The following IL1RAPL2 variants were observed in gnomAD, a reference collection of about 807,000 sequenced individuals.
IL1RAPL2 encodes the protein interleukin 1 receptor accessory protein like 2, also known as X-linked interleukin-1 receptor accessory protein-like 2.
In IL1RAPL2, 3 loss-of-function variants were observed where a neutral mutation model predicts 44.1. That is an observed-to-expected ratio of 0.07 (90% CI 0.03 to 0.18). The LOEUF (loss-of-function observed/expected upper bound fraction) is 0.18. Among genes scored for constraint, IL1RAPL2 ranks in the 10% least tolerant of loss-of-function variants. IL1RAPL2 has a pLI of 1.00. For missense variants in IL1RAPL2, 391 were observed against 496.4 expected (o/e 0.79, Z 2.02); for synonymous variants, 181 against 178.8 (o/e 1.01, Z -0.10).
rs59944197 is a variant in IL1RAPL2 at position 104,589,623 on chromosome X, G to A, written c.-20+22572G>A. Among the ~76,000 whole-genome samples the A allele has an allele frequency of 7.1e-3, 792 of 112,245 alleles. 3 individuals carry two copies. Among genetic ancestry groups the A allele is most frequent in the African/African-American group, 0.024 (751 of 30,915 alleles). On this transcript the variant is annotated intron_variant, in intron 1 of 10. Transcript: ENST00000372582. ...TTTGAGGTTAATTATATATTTTTGC[G>A]ACATGTAGGCATAACCTTATCTCTT...
chrX:105,334,063 T>G (rs1341006389), intron 5 of IL1RAPL2, among the ~76,000 whole-genome samples: 3 of 112,288 alleles, frequency 2.7e-5, no homozygotes, highest in African/African-American at 6.5e-5. Flanking sequence ...CAAAGAGATA[T>G]CTACACTCCA....
In IL1RAPL2 at chrX:104,635,786, G is replaced by A. The variant is rs187487936; in HGVS notation, c.-19-23109G>A. On this transcript the variant is annotated intron_variant, in intron 1 of 10. Transcript: ENST00000372582. ...TTTTTAACTTCTTTGCCATGGGTTC[G>A]AACTTCCTCCTTTAGCTCGGAGTAG... Among the ~76,000 whole-genome samples the A allele has an allele frequency of 6.3e-3, 697 of 111,190 alleles. 3 individuals are homozygous for A. Among genetic ancestry groups the A allele is most frequent in the South Asian group, 0.026 (68 of 2,617 alleles).
chrX:105,517,748 C>T (rs955067989), intron 6 of IL1RAPL2, among the ~76,000 whole-genome samples: 2 of 111,507 alleles, frequency 1.8e-5, no homozygotes, highest in Non-Finnish European at 3.8e-5. Flanking sequence ...TTCTCTCATA[C>T]TAGAAAGACA....
intron 5 of IL1RAPL2, among the ~76,000 whole-genome samples, chrX:105,316,585 A>G (rs141399454): frequency 0.05 from 5,572 of 111,636 alleles, 150 homozygotes; most frequent in Middle Eastern, 0.087. Context: ...TACAAGCACT[A>G]CTCTCCCATG....
Position 105,107,168 on chromosome X carries a change from A to G in IL1RAPL2, c.83-88307A>G, listed in dbSNP as rs755258530. On this transcript the variant is annotated intron_variant, in intron 2 of 10. Transcript: ENST00000372582. ...GTTGTAAAAGTTCACTCCTTATCTC[A>G]CATTTAACACATTATCTTAATGAGA... is the stretch of plus-strand genomic sequence containing the variant. Among the ~76,000 whole-genome samples, 58 of 112,363 alleles carry G rather than the reference A, an allele frequency of 5.2e-4. 1 individual carries two copies. Among genetic ancestry groups the G allele is most frequent in the African/African-American group, 1.8e-3 (57 of 31,005 alleles).
chrX:105,392,157 AAAAAAAT>A (rs1338254852), intron 5 of IL1RAPL2, among the ~76,000 whole-genome samples: 1 of 109,523 alleles, frequency 9.1e-6, no homozygotes, highest in Non-Finnish European at 1.9e-5. Flanking sequence ...ATAATAAAAT[AAAAAAAT>A]AAAAAATAAA....
intron 1 of IL1RAPL2, among the ~76,000 whole-genome samples, chrX:104,577,666 C>T (rs1928267026): frequency 9.0e-6 from 1 of 110,515 alleles, no homozygotes; most frequent in East Asian, 2.9e-4. Flanking sequence ...GAAGAAAGCA[C>T]AAGGGTGGTC....
rs1018415035 is a variant in IL1RAPL2 at position 104,658,318 on chromosome X, A to G, written c.-19-577A>G. On this transcript the variant is annotated intron_variant, in intron 1 of 10. Transcript: ENST00000372582. ...GGATGAGTTTATGTCCTTTGTAGGG[A>G]CATGGATGAAGCTGGAAACCATCAT... Among the ~76,000 whole-genome samples the G allele has an allele frequency of 3.9e-4, 44 of 112,052 alleles. 1 individual carries two copies. The highest frequency in any genetic ancestry group is 1.4e-3 in the African/African-American group (42 of 30,916).
intron 2 of IL1RAPL2, among the ~76,000 whole-genome samples, chrX:104,877,749 A>T (rs1043548116): frequency 9.2e-6 from 1 of 108,631 alleles, no homozygotes; most frequent in African/African-American, 3.3e-5. Flanking sequence ...CATACAGGGC[A>T]TTTTTTTTTT....
At chrX:105,763,010 A>G (rs1466198920) in intron 10 of IL1RAPL2, among the ~76,000 whole-genome samples, 1 of 111,352 alleles carries the variant, frequency 9.0e-6, no homozygotes, top group East Asian at 2.8e-4. Context: ...GTCAGGGACT[A>G]CTACTAACTA....
chrX:105,746,775 CAT>C (rs969174945), intron 8 of IL1RAPL2, among the ~76,000 whole-genome samples: 4 of 111,623 alleles, frequency 3.6e-5, no homozygotes, highest in African/African-American at 1.3e-4. Context: ...CTGTAAATAA[CAT>C]AGAAATTGCT....
chrX:105,479,327 G>A (rs979497698), intron 5 of IL1RAPL2, among the ~76,000 whole-genome samples: 6 of 111,665 alleles, frequency 5.4e-5, no homozygotes, highest in Non-Finnish European at 1.9e-5. Flanking sequence ...AGCTGTTTTT[G>A]TTTGTTACCA....
chrX:105,251,956 T>C (rs759188491), intron 4 of IL1RAPL2, among the ~76,000 whole-genome samples: 2 of 111,032 alleles, frequency 1.8e-5, no homozygotes, highest in African/African-American at 6.5e-5. Flanking sequence ...TTATGTATAA[T>C]TTACAAATAG....
intron 2 of IL1RAPL2, among the ~76,000 whole-genome samples, chrX:104,767,158 A>G (rs1361748106): frequency 8.9e-6 from 1 of 112,014 alleles, no homozygotes; most frequent in African/African-American, 3.2e-5. Context: ...GGGGCCATCC[A>G]TCAGGTGCAA....
At chrX:104,896,926 C>T (rs1397224861) in intron 2 of IL1RAPL2, among the ~76,000 whole-genome samples, 1 of 111,030 alleles carries the variant, frequency 9.0e-6, no homozygotes, top group Non-Finnish European at 1.9e-5. Flanking sequence ...ACACACCCTG[C>T]GAAAGTCTGC....
rs199885157 is a variant in IL1RAPL2 at position 104,577,964 on chromosome X, CAG to C, written c.-20+10916_-20+10917del. ...CTCTGTGGTTTTGAATTGGAATTAT[CAG>C]AGTCATTCATGGCTATTTCTGTCTC... On this transcript the variant is annotated intron_variant, in intron 1 of 10. Coordinates refer to ENST00000372582, the MANE Select transcript of IL1RAPL2 (RefSeq NM_017416.2). Among the ~76,000 whole-genome samples the C allele has an allele frequency of 4.2e-4, 47 of 111,681 alleles. No homozygotes were observed. In the East Asian group the frequency reaches 0.013, roughly 30 times the overall value.
chrX:105,115,637 A>G (rs929012129), intron 2 of IL1RAPL2, among the ~76,000 whole-genome samples: 9 of 112,794 alleles, frequency 8.0e-5, no homozygotes, highest in African/African-American at 2.9e-4. Flanking sequence ...CCTTAGCTAG[A>G]CATAAAGATT....
At chrX:105,686,653 A>G (rs2037979991) in intron 6 of IL1RAPL2, among the ~76,000 whole-genome samples, 1 of 111,341 alleles carries the variant, frequency 9.0e-6, no homozygotes, top group African/African-American at 3.3e-5. Flanking sequence ...TGTCTGTATT[A>G]GACAGATCAA....
At chrX:104,859,781 T>C (rs1436860237) in intron 2 of IL1RAPL2, among the ~76,000 whole-genome samples, 2 of 112,279 alleles carry the variant, frequency 1.8e-5, no homozygotes, top group Non-Finnish European at 3.8e-5. Context: ...GCACAACATA[T>C]GTAATATAGT....
Sources: gnomAD v4.1 joint callset for allele counts (sites outside exome capture counted in the v4.1 genomes callset) on GRCh38, gnomAD v4.1.1 for gene constraint, MANE v1.5 for transcripts, NCBI Gene and HGNC (gene_info 2026-07-23, HGNC 2026-07-21) for gene names.